LYPD6: variants seen among roughly 807,000 people sequenced by gnomAD.
LYPD6 encodes the protein LY6/PLAUR domain containing 6, also known as ly6/PLAUR domain-containing protein 6.
Under a neutral mutation model 22.7 loss-of-function variants are expected in LYPD6, and 15 were observed. That is an observed-to-expected ratio of 0.66 (90% CI 0.44 to 1.02). LYPD6 has a LOEUF of 1.02. Ranked by LOEUF, LYPD6 falls within the 50% of genes least tolerant of loss-of-function variation. The pLI, the probability that LYPD6 is intolerant of heterozygous loss-of-function variation, is 0.00. For synonymous variants in LYPD6, 72 were observed against 77.5 expected (o/e 0.93, Z 0.37); for missense variants, 189 against 208.4 (o/e 0.91, Z 0.57).
intron 1 of LYPD6, among the ~76,000 whole-genome samples, chr2:149,361,776 G>A (rs1485150680): frequency 6.6e-6 from 1 of 152,096 alleles, no homozygotes; most frequent in Non-Finnish European, 1.5e-5. Context: ...TCTAATCCTT[G>A]GAACCTGTCA....
At chr2:149,407,412 C>G (rs1035602892) in intron 1 of LYPD6, among the ~76,000 whole-genome samples, 6 of 152,192 alleles carry the variant, frequency 3.9e-5, no homozygotes, top group African/African-American at 1.4e-4. Context: ...TCGCATATTT[C>G]TTGGAGGCTT....
At chr2:149,398,072 CA>C (rs1364169115) in intron 1 of LYPD6, among the ~76,000 whole-genome samples, 1 of 152,086 alleles carries the variant, frequency 6.6e-6, no homozygotes, top group Non-Finnish European at 1.5e-5. Flanking sequence ...CATGTAAACA[CA>C]ATAGCTTTTC....
chr2:149,442,883 C>T (rs1203694929), intron 2 of LYPD6, among the ~76,000 whole-genome samples: 1 of 152,092 alleles, frequency 6.6e-6, no homozygotes, highest in African/African-American at 2.4e-5. Context: ...AGTAAAGGTT[C>T]CTACAAGCAA....
At chr2:149,416,332 C>A (rs1682961775) in intron 1 of LYPD6, among the ~76,000 whole-genome samples, 1 of 152,166 alleles carries the variant, frequency 6.6e-6, no homozygotes, top group Non-Finnish European at 1.5e-5. Flanking sequence ...CCTTTGTAGT[C>A]ATGCCCTTCA....
chr2:149,376,392 AT>A (rs541360747), intron 1 of LYPD6, among the ~76,000 whole-genome samples: 174 of 149,392 alleles, frequency 1.2e-3, no homozygotes, highest in African/African-American at 3.0e-3. Flanking sequence ...AGCCCAGAAC[AT>A]TTTTTTTTTC....
At chr2:149,358,160 A>T (rs1436466818) in intron 1 of LYPD6, among the ~76,000 whole-genome samples, 1 of 152,238 alleles carries the variant, frequency 6.6e-6, no homozygotes, top group Non-Finnish European at 1.5e-5. Flanking sequence ...GAATAAACAA[A>T]ATAATGTTTT....
chr2:149,480,434 C>T, the LYPD6 span, among the ~76,000 whole-genome samples: 3 of 152,162 alleles, frequency 2.0e-5, no homozygotes, highest in African/African-American at 7.2e-5. Context: ...TTTATACCCT[C>T]CATATCTCAG....
rs1004724957 is a variant in LYPD6 at position 149,472,688 on chromosome 2, T to C, written c.*1838T>C. 6.6e-6 allele frequency: 1 copy of C among 152,666 alleles called. No homozygotes were observed. The highest frequency in any genetic ancestry group is 1.5e-5 in the Non-Finnish European group (1 of 68,040). 9.5% of individuals were successfully genotyped at this position (152,666 alleles called of 1,614,324 possible). On this transcript the variant is annotated 3_prime_UTR_variant, in exon 5 of 5. Transcript: ENST00000334166. ...ACCTCGTATGTGCCAGGCACTATGC[T>C]AAGCACTTTACATAAGTTAGGATTA...
chr2:149,359,687 C>T (rs1194439051), intron 1 of LYPD6, among the ~76,000 whole-genome samples: 5 of 152,082 alleles, frequency 3.3e-5, no homozygotes, highest in African/African-American at 1.2e-4. Context: ...GGCATTTCTT[C>T]CTGTTTTTTC....
chr2:149,331,855 C>G (rs1680944994), intron 1 of LYPD6, among the ~76,000 whole-genome samples: 1 of 152,208 alleles, frequency 6.6e-6, no homozygotes. Context: ...CTTGCGGTGA[C>G]ATACACACTG....
At chr2:149,470,634 T>C (rs1192003283) in intron 4 of LYPD6, 49 bp from the exon 5 acceptor site, 11 of 1,575,386 alleles carry the variant, frequency 7.0e-6, no homozygotes, top group South Asian at 1.1e-5. Context: ...CCTGCCTCCT[T>C]CCAAGACATG....
intron 1 of LYPD6, among the ~76,000 whole-genome samples, chr2:149,415,662 A>G (rs1277039044): frequency 6.6e-6 from 1 of 151,952 alleles, no homozygotes; most frequent in Non-Finnish European, 1.5e-5. Flanking sequence ...GCCTTACACT[A>G]AACTGTAATT....
intron 1 of LYPD6, among the ~76,000 whole-genome samples, chr2:149,407,075 G>C (rs1314343269): frequency 6.6e-6 from 1 of 152,078 alleles, no homozygotes; most frequent in African/African-American, 2.4e-5. Flanking sequence ...CTCTCTTCTG[G>C]CTTGTAGAGT....
intron 3 of LYPD6, among the ~76,000 whole-genome samples, chr2:149,454,187 C>T (rs772762110): frequency 4.6e-5 from 7 of 152,010 alleles, no homozygotes; most frequent in Admixed American, 3.9e-4. Context: ...ATATACATAC[C>T]GCAAAGTGAA....
intron 1 of LYPD6, among the ~76,000 whole-genome samples, chr2:149,386,079 C>A (rs1682178183): frequency 6.6e-6 from 1 of 152,118 alleles, no homozygotes; most frequent in Non-Finnish European, 1.5e-5. Flanking sequence ...ACTTAATCCA[C>A]ATATTTTAAC....
At chr2:149,449,261 G>A (rs574289975) in intron 3 of LYPD6, 114 bp downstream of exon 3, 7 of 635,662 alleles carry the variant, frequency 1.1e-5, no homozygotes, top group Non-Finnish European at 1.9e-5. Flanking sequence ...TGCTCCTCTT[G>A]TCTAAGGCTA....
intron 1 of LYPD6, among the ~76,000 whole-genome samples, chr2:149,379,444 G>T (rs925747143): frequency 6.6e-6 from 1 of 152,204 alleles, no homozygotes; most frequent in African/African-American, 2.4e-5. Flanking sequence ...TTTACCAAAG[G>T]ATGCTCAATT....
chr2:149,378,959 C>G (rs1681998819), intron 1 of LYPD6, among the ~76,000 whole-genome samples: 1 of 152,170 alleles, frequency 6.6e-6, no homozygotes, highest in East Asian at 1.9e-4. Context: ...AAGTAACTGA[C>G]ATTTAACAGA....
chr2:149,464,945 G>C (rs1374904036), intron 3 of LYPD6, among the ~76,000 whole-genome samples: 1 of 152,090 alleles, frequency 6.6e-6, no homozygotes, highest in Non-Finnish European at 1.5e-5. Flanking sequence ...AAAGATGCAA[G>C]GGGGAGGGAG....
Sources: gnomAD v4.1 joint callset for allele counts (sites outside exome capture counted in the v4.1 genomes callset) on GRCh38, gnomAD v4.1.1 for gene constraint, MANE v1.5 for transcripts, NCBI Gene and HGNC (gene_info 2026-07-23, HGNC 2026-07-21) for gene names.